Variants in THSD4 observed in about 807,000 individuals in gnomAD.
THSD4 encodes thrombospondin type-1 domain-containing protein 4.
THSD4 carries 69 observed loss-of-function variants against 119.0 expected under a neutral mutation model. The observed-to-expected ratio is 0.58, with a 90% CI of 0.48 to 0.71. The LOEUF is 0.71. Among genes scored for constraint, THSD4 ranks in the 30% least tolerant of loss-of-function variants. THSD4 has a pLI of 0.00. For synonymous variants in THSD4, 524 were observed against 540.4 expected (o/e 0.97, Z 0.42); for missense variants, 1,393 against 1,391.1 (o/e 1.00, Z -0.02).
At chr15:71,514,266 A>T (rs1042619186) in intron 7 of THSD4, among the ~76,000 whole-genome samples, 1 of 152,210 alleles carries the variant, frequency 6.6e-6, no homozygotes, top group Non-Finnish European at 1.5e-5. Flanking sequence ...TGTCCTGGGC[A>T]TAAGGCTCAT....
intron 6 of THSD4, among the ~76,000 whole-genome samples, chr15:71,271,975 A>G (rs2044535889): frequency 6.6e-6 from 1 of 152,264 alleles, no homozygotes; most frequent in Non-Finnish European, 1.5e-5. Context: ...ATAGCAAAAG[A>G]AACAATGAAT....
chr15:71,741,841 G>A (rs1225652206), intron 11 of THSD4, among the ~76,000 whole-genome samples: 1 of 152,164 alleles, frequency 6.6e-6, no homozygotes, highest in Admixed American at 6.5e-5. Context: ...TGGAAATAAA[G>A]CAAACCTAGG....
At chr15:71,250,218 G>A (rs564925026) in intron 5 of THSD4, among the ~76,000 whole-genome samples, 1 of 152,296 alleles carries the variant, frequency 6.6e-6, no homozygotes, top group East Asian at 1.9e-4. Flanking sequence ...GCCTTTGAAT[G>A]GAATTTTGCA....
At chr15:71,185,245 A>T (rs1398068768) in intron 3 of THSD4, among the ~76,000 whole-genome samples, 1 of 151,820 alleles carries the variant, frequency 6.6e-6, no homozygotes, top group Non-Finnish European at 1.5e-5. Context: ...AGGGTGGAAA[A>T]AGAGTTATAC....
intron 7 of THSD4, among the ~76,000 whole-genome samples, chr15:71,627,732 G>T (rs909868603): frequency 1.3e-5 from 2 of 152,180 alleles, no homozygotes; most frequent in Admixed American, 6.5e-5. Context: ...GCAGGGGAGA[G>T]GAAGATTTTG....
intron 6 of THSD4, among the ~76,000 whole-genome samples, chr15:71,338,299 G>C (rs938201531): frequency 1.4e-5 from 2 of 141,952 alleles, no homozygotes; most frequent in Non-Finnish European, 3.0e-5. Context: ...GCTTCTTTCC[G>C]AACACTCAGC....
intron 10 of THSD4, 69 bp downstream of exon 10, chr15:71,731,286 T>G: frequency 6.9e-7 from 1 of 1,441,998 alleles, no homozygotes; most frequent in Non-Finnish European, 9.7e-7. Context: ...CTCTCAATTC[T>G]TGTGCATCCA....
At chr15:71,662,782 T>A (rs1480585349) in intron 8 of THSD4, among the ~76,000 whole-genome samples, 1 of 152,184 alleles carries the variant, frequency 6.6e-6, no homozygotes, top group African/African-American at 2.4e-5. Flanking sequence ...TGCGATTCAA[T>A]AGGATACAGA....
intron 7 of THSD4, among the ~76,000 whole-genome samples, chr15:71,607,448 A>G (rs900282730): frequency 6.6e-6 from 1 of 152,242 alleles, no homozygotes; most frequent in Admixed American, 6.5e-5. Flanking sequence ...ATCATGCCCA[A>G]CACTTGAGGA....
At chr15:71,607,414 T>C (rs1455924639) in intron 7 of THSD4, among the ~76,000 whole-genome samples, 5 of 152,348 alleles carry the variant, frequency 3.3e-5, no homozygotes, top group East Asian at 1.9e-4. Context: ...CTGTACTCCT[T>C]TGACGAACTG....
chr15:71,353,715 T>C (rs777368582), intron 6 of THSD4, among the ~76,000 whole-genome samples: 7 of 152,212 alleles, frequency 4.6e-5, no homozygotes, highest in Non-Finnish European at 1.0e-4. Flanking sequence ...ATTTGTAGAA[T>C]GCACTGTCCC....
chr15:71,603,553 G>A (rs1156790132), intron 7 of THSD4, among the ~76,000 whole-genome samples: 3 of 152,226 alleles, frequency 2.0e-5, no homozygotes, highest in African/African-American at 7.2e-5. Context: ...TGGCTTTGAA[G>A]AGAGCAAGAC....
intron 7 of THSD4, among the ~76,000 whole-genome samples, chr15:71,646,736 A>G (rs1352074807): frequency 6.6e-6 from 1 of 152,204 alleles, no homozygotes; most frequent in Non-Finnish European, 1.5e-5. Flanking sequence ...ACAGCAAAGT[A>G]TTTTTGCTGT....
chr15:71,189,648 C>A (rs592798), intron 3 of THSD4, among the ~76,000 whole-genome samples: 4 of 148,934 alleles, frequency 2.7e-5, no homozygotes, highest in Non-Finnish European at 5.9e-5. Flanking sequence ...CCAGTCTGGG[C>A]GACAGAGCAA....
intron 1 of THSD4, among the ~76,000 whole-genome samples, chr15:71,106,472 C>T (rs1407895971): frequency 6.6e-6 from 1 of 151,954 alleles, no homozygotes; most frequent in Non-Finnish European, 1.5e-5. Flanking sequence ...TGATTCTGGC[C>T]CCTGGTGGAG....
chr15:71,320,936 T>C (rs1373213793), intron 6 of THSD4, among the ~76,000 whole-genome samples: 1 of 152,264 alleles, frequency 6.6e-6, no homozygotes, highest in African/African-American at 2.4e-5. Context: ...TTTATTTTAC[T>C]ATAACTTTTT....
In THSD4 at chr15:71,778,626, CTTTCTGGTT is replaced by C. The variant is rs2053954283; in HGVS notation, c.*1255_*1263del. 1 of 152,426 alleles carries C rather than the reference CTTTCTGGTT, an allele frequency of 6.6e-6. No individual in the cohort carries two copies. Among genetic ancestry groups the C allele is most frequent in the Admixed American group, 6.5e-5 (1 of 15,276 alleles). 9.4% of individuals were successfully genotyped at this position (152,426 alleles called of 1,614,324 possible). On this transcript the variant is annotated 3_prime_UTR_variant, in exon 18 of 18. Coordinates refer to ENST00000261862, the MANE Select transcript of THSD4 (RefSeq NM_024817.3). ...GTATTAGAAAAAGTCTCTTTCTGGT[CTTTCTGGTT>C]TTGTTTATGAATTTCCCTCTGTGGC...
At chr15:71,341,664 A>G (rs1566946982) in intron 6 of THSD4, 1 of 1,507,490 alleles carries the variant, frequency 6.6e-7, no homozygotes, top group Non-Finnish European at 9.2e-7. Context: ...GAACCTCTTG[A>G]TTTGCCTGAT....
chr15:71,683,267 A>G (rs2051834012), intron 8 of THSD4, among the ~76,000 whole-genome samples: 1 of 151,884 alleles, frequency 6.6e-6, no homozygotes, highest in Non-Finnish European at 1.5e-5. Flanking sequence ...GCATTATTCC[A>G]GGTGAATTTT....
Sources: allele counts gnomAD v4.1 joint callset (sites outside exome capture counted in the v4.1 genomes callset), GRCh38; gene constraint gnomAD v4.1.1; transcripts MANE v1.5; gene names NCBI Gene and HGNC (gene_info 2026-07-23, HGNC 2026-07-21).